MAEA: variants seen among roughly 807,000 people sequenced by gnomAD.
The protein encoded by MAEA is macrophage erythroblast attacher, E3 ubiquitin ligase.
MAEA carries 22 observed loss-of-function variants against 46.2 expected under a neutral mutation model. That is an observed-to-expected ratio of 0.48 (90% CI 0.34 to 0.68). The LOEUF (loss-of-function observed/expected upper bound fraction) is 0.68. MAEA is among the 30% of genes least tolerant of loss of function. The pLI, the probability that MAEA is intolerant of heterozygous loss-of-function variation, is 0.01. For synonymous variants in MAEA, 246 were observed against 222.6 expected (o/e 1.11, Z -0.94); for missense variants, 393 against 558.1 (o/e 0.70, Z 2.98).
chr4:1,319,515 AAG>A (rs1477312875), intron 3 of MAEA, among the ~76,000 whole-genome samples: 1 of 152,082 alleles, frequency 6.6e-6, no homozygotes, highest in Non-Finnish European at 1.5e-5. Flanking sequence ...AACCCTCAGT[AAG>A]AGAGATCCAA....
At chr4:1,317,454 G>A (rs542410170) in intron 3 of MAEA, among the ~76,000 whole-genome samples, 12 of 151,644 alleles carry the variant, frequency 7.9e-5, no homozygotes, top group East Asian at 5.9e-4. Flanking sequence ...CATTTGTCCC[G>A]CACCTCGTTC....
intron 5 of MAEA, chr4:1,329,796 G>C (rs1739309026): frequency 1.2e-5 from 12 of 985,538 alleles, no homozygotes; most frequent in Non-Finnish European, 1.4e-5. Flanking sequence ...CACTCACTGA[G>C]GCTGGACAAG....
chr4:1,329,214 A>T (rs1271176971), intron 5 of MAEA: 1 of 985,380 alleles, frequency 1.0e-6, no homozygotes, highest in East Asian at 1.1e-4. Context: ...CCCACTCCGC[A>T]TAGGGTCTAT....
In MAEA at chr4:1,322,362, G is replaced by A. The variant is rs1471813297; in HGVS notation, c.457-19G>A. ...TTGAGCCAGCACATTCTGATCAGGTGCTGCTTCCTTCCTCTAAGGACCTAG... is the reference window on the plus strand; with the variant it reads ...TTGAGCCAGCACATTCTGATCAGGTACTGCTTCCTTCCTCTAAGGACCTAG... On this transcript the variant is annotated intron_variant, in intron 3 of 8. Transcript: ENST00000303400. 37 of 1,613,182 alleles carry A rather than the reference G, an allele frequency of 2.3e-5. No individual in the cohort carries two copies. Among genetic ancestry groups the A allele is most frequent in the Non-Finnish European group, 2.9e-5 (34 of 1,179,584 alleles).
chr4:1,309,338 A>C, intron 1 of MAEA: 1 of 909,392 alleles, frequency 1.1e-6, no homozygotes, highest in Non-Finnish European at 1.4e-6. Context: ...GAGCCTGTGA[A>C]GGGGCTCTTG....
chr4:1,328,281 C>T (rs1381017024), intron 5 of MAEA, among the ~76,000 whole-genome samples: 1 of 152,202 alleles, frequency 6.6e-6, no homozygotes, highest in Non-Finnish European at 1.5e-5. Flanking sequence ...TGGCTCAGCC[C>T]AGTTGGGGTG....
chr4:1,335,562 T>TTAAGTCAGCACTGGCCCCACGGC (rs1712642088), intron 6 of MAEA: 1 of 518,932 alleles, frequency 1.9e-6, no homozygotes, highest in Non-Finnish European at 2.5e-6. Context: ...GGCCCCACAG[T>TTAAGTCAGCACTGGCCCCACGGC]GTGTTGAAAT....
At chr4:1,307,090 G>C (rs1735902326) in intron 1 of MAEA, among the ~76,000 whole-genome samples, 1 of 152,150 alleles carries the variant, frequency 6.6e-6, no homozygotes, top group Non-Finnish European at 1.5e-5. Flanking sequence ...TGGCAGTCAG[G>C]TGCCATTTAT....
At chr4:1,309,852 G>C in intron 1 of MAEA, 4 of 1,315,526 alleles carry the variant, frequency 3.0e-6, no homozygotes, top group Non-Finnish European at 3.9e-6. Context: ...CCCTGTGCCT[G>C]AGCAGCGTCA....
chr4:1,320,504 G>A (rs528074237), intron 3 of MAEA, among the ~76,000 whole-genome samples: 51 of 150,224 alleles, frequency 3.4e-4, no homozygotes, highest in Admixed American at 2.6e-3. Flanking sequence ...AAGCAAACAT[G>A]CAAGAAAACG....
At chr4:1,315,624 A>C in intron 3 of MAEA, 24 bp downstream of exon 3, 1 of 1,610,376 alleles carries the variant, frequency 6.2e-7, no homozygotes, top group South Asian at 1.1e-5. Context: ...AGACGCAGGC[A>C]CAGCGCCCCA....
chr4:1,292,239 A>G (rs1318227541), intron 1 of MAEA, among the ~76,000 whole-genome samples: 1 of 152,050 alleles, frequency 6.6e-6, no homozygotes, highest in African/African-American at 2.4e-5. Context: ...TAATAGTTAA[A>G]CTGCTTTCCT....
chr4:1,294,936 G>A (rs1192499946), intron 1 of MAEA, among the ~76,000 whole-genome samples: 3 of 152,074 alleles, frequency 2.0e-5, no homozygotes, highest in Admixed American at 6.5e-5. Flanking sequence ...GTCCTGGCCG[G>A]CTCTCACCCC....
intron 1 of MAEA, among the ~76,000 whole-genome samples, chr4:1,303,412 G>A (rs368112759): frequency 0.015 from 456 of 31,368 alleles, 2 homozygotes; most frequent in Middle Eastern, 0.1. Context: ...AAAAAAAAAA[G>A]AATGTCATGT....
chr4:1,321,209 CA>C (rs1195786381), intron 3 of MAEA, among the ~76,000 whole-genome samples: 1 of 150,186 alleles, frequency 6.7e-6, no homozygotes, highest in Non-Finnish European at 1.5e-5. Context: ...AAGAAATCAT[CA>C]AAGCAAATGT....
At chr4:1,317,828 G>T (rs774989677) in intron 3 of MAEA, among the ~76,000 whole-genome samples, 16 of 152,194 alleles carry the variant, frequency 1.1e-4, no homozygotes, top group Non-Finnish European at 2.1e-4. Context: ...CAGTCTTGTT[G>T]AGTTTCCGAA....
At position 1,336,956 on chromosome 4, in the gene MAEA, C is replaced by T. The variant is rs1464930884; in HGVS notation, c.861C>T (p.Thr287=). The part of the protein sequence containing the change: ...LHQLGNNSVF[T]LTLQAGLSAI... ...AGCTGGGAAACAATTCTGTGTTCAC[C>T]CTCACCCTGCAGGCTGGCCTCTCAG... The change falls in exon 7 of 9, where the codon ACC becomes ACT. Residue 287 remains threonine (T), a synonymous_variant. Transcript: ENST00000303400. 3 of 1,614,062 alleles carry T rather than the reference C, an allele frequency of 1.9e-6. No homozygotes were observed. The South Asian group carries it at 3.3e-5, about 18-fold the overall frequency.
intron 1 of MAEA, among the ~76,000 whole-genome samples, chr4:1,297,603 C>CT (rs1734876750): frequency 6.6e-6 from 1 of 152,200 alleles, no homozygotes; most frequent in South Asian, 2.1e-4. Context: ...TCGTCACAGT[C>CT]TGACGCGGTC....
At position 1,294,101 on chromosome 4, in the gene MAEA, G is replaced by A. The variant is rs574109492; in HGVS notation, c.69+4119G>A. On this transcript the variant is annotated intron_variant, in intron 1 of 8. Transcript: ENST00000303400. ...CACCTCTTCTGTGGCCGGCTTTTTC[G>A]ATGTACTTTATCTGCAGTAACGTCA... 6.6e-5 allele frequency among the ~76,000 whole-genome samples: 10 copies of A among 152,316 alleles called. No homozygotes were observed. The East Asian group carries it at 1.7e-3, about 26-fold the overall frequency.
Sources: allele counts gnomAD v4.1 joint callset (sites outside exome capture counted in the v4.1 genomes callset), GRCh38; gene constraint gnomAD v4.1.1; transcripts MANE v1.5; gene names NCBI Gene and HGNC (gene_info 2026-07-23, HGNC 2026-07-21).